CTNNA3: variants seen among roughly 807,000 people sequenced by gnomAD.
CTNNA3 encodes the protein catenin alpha 3.
CTNNA3 carries 76 observed loss-of-function variants against 95.7 expected under a neutral mutation model. The observed-to-expected ratio is 0.79, with a 90% CI of 0.66 to 0.96. The LOEUF is 0.96. Among genes scored for constraint, CTNNA3 ranks in the 40% least tolerant of loss-of-function variants. The pLI is 0.00. For missense variants in CTNNA3, 1,191 were observed against 1,089.8 expected, an observed-to-expected ratio of 1.09 and a Z score of -1.31; for synonymous variants, 431 against 374.4, an observed-to-expected ratio of 1.15 and a Z score of -1.74.
At chr10:67,251,637 G>C (rs931799148) in intron 5 of CTNNA3, among the ~76,000 whole-genome samples, 2 of 152,152 alleles carry the variant, frequency 1.3e-5, no homozygotes, top group Non-Finnish European at 2.9e-5. Context: ...AGGAAGAAGA[G>C]GAAGTCAAGA....
At chr10:66,514,500 A>C (rs1840770999) in intron 11 of CTNNA3, among the ~76,000 whole-genome samples, 1 of 152,172 alleles carries the variant, frequency 6.6e-6, no homozygotes, top group East Asian at 1.9e-4. Context: ...ACTCCACAAT[A>C]AGGGAATAAC....
At chr10:66,425,113 A>C (rs2093228179) in intron 11 of CTNNA3, among the ~76,000 whole-genome samples, 1 of 151,920 alleles carries the variant, frequency 6.6e-6, no homozygotes, top group South Asian at 2.1e-4. Context: ...TTGTTATTTA[A>C]AAAAATCCTC....
intron 9 of CTNNA3, among the ~76,000 whole-genome samples, chr10:66,669,734 C>T (rs935448949): frequency 1.5e-4 from 23 of 152,036 alleles, no homozygotes; most frequent in African/African-American, 5.1e-4. Flanking sequence ...TAGCAGTCCC[C>T]TTGAGCATGA....
chr10:66,544,595 T>C (rs556471546), intron 10 of CTNNA3, among the ~76,000 whole-genome samples: 2 of 152,280 alleles, frequency 1.3e-5, no homozygotes, highest in Non-Finnish European at 2.9e-5. Context: ...CTCTTGATTA[T>C]TCTGTGCCTT....
intron 11 of CTNNA3, among the ~76,000 whole-genome samples, chr10:66,428,257 T>C (rs565253164): frequency 6.6e-6 from 1 of 152,184 alleles, no homozygotes; most frequent in South Asian, 2.1e-4. Context: ...ATAAAGCAAG[T>C]CCTTAGTGAC....
intron 7 of CTNNA3, among the ~76,000 whole-genome samples, chr10:67,109,527 G>A (rs1180744522): frequency 1.3e-5 from 2 of 152,138 alleles, no homozygotes; most frequent in African/African-American, 2.4e-5. Context: ...CCAGTTCAAG[G>A]CATAGTTTTC....
rs539837935 is a variant in CTNNA3 at position 67,378,538 on chromosome 10, T to C, written c.579+143304A>G. On this transcript the variant is annotated intron_variant, in intron 5 of 17. Coordinates refer to ENST00000433211, the MANE Select transcript of CTNNA3 (RefSeq NM_013266.4). ...GAAACATTTTGTGGTCATCTTCTTT[T>C]GTCTCCTCAGATCTGTGAGAATTCT... Among the ~76,000 whole-genome samples, 6 of 152,174 alleles carry C rather than the reference T, an allele frequency of 3.9e-5. No homozygotes were observed. The East Asian group carries it at 1.2e-3, about 30-fold the overall frequency.
chr10:66,173,241 A>G (rs2085525051), intron 13 of CTNNA3, among the ~76,000 whole-genome samples: 1 of 152,206 alleles, frequency 6.6e-6, no homozygotes, highest in African/African-American at 2.4e-5. Flanking sequence ...CAGGCAAAAG[A>G]AGGGGTAGAA....
intron 12 of CTNNA3, among the ~76,000 whole-genome samples, chr10:66,360,692 T>TTCC: frequency 1.7e-5 from 1 of 59,232 alleles, no homozygotes; most frequent in Non-Finnish European, 5.1e-5. Context: ...CCTTCCTTCC[T>TTCC]TTTCTTTCTT....
chr10:66,905,368 TG>T (rs1195807953), intron 7 of CTNNA3, among the ~76,000 whole-genome samples: 1 of 151,954 alleles, frequency 6.6e-6, no homozygotes, highest in East Asian at 1.9e-4. Context: ...TGGGGCCTAT[TG>T]GGGGTTGGAG....
intron 5 of CTNNA3, among the ~76,000 whole-genome samples, chr10:67,309,269 C>A (rs554551513): frequency 1.3e-5 from 2 of 151,898 alleles, no homozygotes; most frequent in East Asian, 3.9e-4. Context: ...CATAAATTTA[C>A]CAAGTAAAAA....
intron 15 of CTNNA3, among the ~76,000 whole-genome samples, chr10:66,053,924 G>A (rs953021894): frequency 7.2e-5 from 11 of 151,826 alleles, no homozygotes; most frequent in African/African-American, 2.7e-4. Flanking sequence ...TAACTTTCAT[G>A]GTTTATTATT....
chr10:67,209,732 A>G (rs901366443), intron 6 of CTNNA3, among the ~76,000 whole-genome samples: 1 of 152,096 alleles, frequency 6.6e-6, no homozygotes, highest in African/African-American at 2.4e-5. Flanking sequence ...AAAACACCAA[A>G]AACCAATTTT....
chr10:66,272,595 A>G (rs939549908), intron 13 of CTNNA3, among the ~76,000 whole-genome samples: 1 of 152,058 alleles, frequency 6.6e-6, no homozygotes, highest in African/African-American at 2.4e-5. Flanking sequence ...AAGCAGTACC[A>G]TCAGGACCCA....
intron 11 of CTNNA3, among the ~76,000 whole-genome samples, chr10:66,383,872 A>C (rs547740447): frequency 1.4e-4 from 22 of 152,262 alleles, no homozygotes; most frequent in Admixed American, 1.2e-3. Context: ...GGAGAAATAA[A>C]ACCCTGTACA....
intron 5 of CTNNA3, among the ~76,000 whole-genome samples, chr10:67,377,825 T>C (rs1194790110): frequency 3.3e-5 from 5 of 152,182 alleles, no homozygotes; most frequent in Admixed American, 6.5e-5. Flanking sequence ...AATATATTAT[T>C]GTTAATTATA....
chr10:65,982,347 CA>C (rs1050038575), intron 16 of CTNNA3, among the ~76,000 whole-genome samples: 2 of 150,208 alleles, frequency 1.3e-5, no homozygotes, highest in African/African-American at 4.9e-5. Flanking sequence ...AACAAAACAA[CA>C]AAAAAAGGTG....
intron 7 of CTNNA3, among the ~76,000 whole-genome samples, chr10:66,812,259 T>A (rs530160615): frequency 1.3e-5 from 2 of 152,164 alleles, no homozygotes; most frequent in Admixed American, 6.6e-5. Context: ...GGAGTCAGAT[T>A]GTAGTTCTGT....
At chr10:66,697,558 T>C (rs1250226978) in intron 9 of CTNNA3, among the ~76,000 whole-genome samples, 3 of 152,070 alleles carry the variant, frequency 2.0e-5, no homozygotes, top group Non-Finnish European at 4.4e-5. Flanking sequence ...AAAGGAGTAG[T>C]TTTAGGACAA....
Sources: allele counts gnomAD v4.1 joint callset (sites outside exome capture counted in the v4.1 genomes callset), GRCh38; gene constraint gnomAD v4.1.1; transcripts MANE v1.5; gene names NCBI Gene and HGNC (gene_info 2026-07-23, HGNC 2026-07-21).